Variants in NOS1AP observed in about 807,000 individuals in gnomAD.
The protein encoded by NOS1AP is carboxyl-terminal PDZ ligand of neuronal nitric oxide synthase protein.
NOS1AP carries 21 observed loss-of-function variants against 56.2 expected under a neutral mutation model. That is an observed-to-expected ratio of 0.37 (90% CI 0.26 to 0.54). The LOEUF (loss-of-function observed/expected upper bound fraction) is 0.54. NOS1AP is among the 20% of genes least tolerant of loss of function. NOS1AP has a pLI of 0.84. For synonymous variants in NOS1AP, 270 were observed against 274.6 expected, an observed-to-expected ratio of 0.98 and a Z score of 0.17; for missense variants, 522 against 657.8, an observed-to-expected ratio of 0.79 and a Z score of 2.26.
chr1:162,313,785 G>A (rs1272270303), intron 4 of NOS1AP, among the ~76,000 whole-genome samples: 1 of 152,174 alleles, frequency 6.6e-6, no homozygotes, highest in Non-Finnish European at 1.5e-5. Flanking sequence ...AGTAAATGAG[G>A]GAGGGAAAGG....
chr1:162,224,661 A>G (rs994371856), intron 2 of NOS1AP, among the ~76,000 whole-genome samples: 2 of 152,230 alleles, frequency 1.3e-5, no homozygotes, highest in African/African-American at 2.4e-5. Context: ...GTACTGAACA[A>G]GAAGACAGAG....
chr1:162,174,591 A>G (rs1295876640), intron 2 of NOS1AP, among the ~76,000 whole-genome samples: 1 of 152,234 alleles, frequency 6.6e-6, no homozygotes, highest in African/African-American at 2.4e-5. Context: ...AAAACTTTCT[A>G]TTATAAAACA....
intron 4 of NOS1AP, among the ~76,000 whole-genome samples, chr1:162,308,853 C>A (rs1655930101): frequency 6.6e-6 from 1 of 152,154 alleles, no homozygotes; most frequent in South Asian, 2.1e-4. Flanking sequence ...ATCCCAGCAA[C>A]CCTGAGTGGT....
intron 1 of NOS1AP, among the ~76,000 whole-genome samples, chr1:162,097,877 A>C (rs966540646): frequency 6.6e-5 from 10 of 151,932 alleles, no homozygotes; most frequent in Admixed American, 6.6e-5. Flanking sequence ...GTTCTTTAAA[A>C]TAGGTATATT....
intron 1 of NOS1AP, among the ~76,000 whole-genome samples, chr1:162,084,709 C>T (rs759065764): frequency 6.6e-6 from 1 of 152,070 alleles, no homozygotes; most frequent in Non-Finnish European, 1.5e-5. Flanking sequence ...GACAGGGTCT[C>T]ACCCTGTCAC....
intron 2 of NOS1AP, among the ~76,000 whole-genome samples, chr1:162,266,534 T>G (rs553785749): frequency 6.6e-6 from 1 of 152,352 alleles, no homozygotes; most frequent in African/African-American, 2.4e-5. Flanking sequence ...CACATGATAT[T>G]AGCTGGTCTC....
At chr1:162,210,302 C>T (rs924475690) in intron 2 of NOS1AP, among the ~76,000 whole-genome samples, 6 of 152,136 alleles carry the variant, frequency 3.9e-5, no homozygotes, top group African/African-American at 1.4e-4. Flanking sequence ...AGCACGGTGA[C>T]TTCTCCCATG....
intron 6 of NOS1AP, among the ~76,000 whole-genome samples, chr1:162,345,075 G>A (rs915399383): frequency 9.2e-5 from 14 of 151,642 alleles, no homozygotes; most frequent in Non-Finnish European, 1.3e-4. Flanking sequence ...TTCTTGGATG[G>A]GAAAGCTCAA....
At chr1:162,202,093 T>A (rs984978324) in intron 2 of NOS1AP, among the ~76,000 whole-genome samples, 11 of 152,094 alleles carry the variant, frequency 7.2e-5, no homozygotes, top group African/African-American at 1.4e-4. Context: ...GTCCTGGGGA[T>A]CTGTATGTGG....
intron 1 of NOS1AP, among the ~76,000 whole-genome samples, chr1:162,129,574 A>G (rs1648654694): frequency 6.6e-6 from 1 of 152,234 alleles, no homozygotes; most frequent in African/African-American, 2.4e-5. Context: ...AGCAAATCGT[A>G]CAGTCCCTTT....
intron 4 of NOS1AP, 56 bp from the exon 5 acceptor site, chr1:162,332,961 T>G: frequency 4.7e-5 from 57 of 1,200,880 alleles, no homozygotes; most frequent in Non-Finnish European, 6.6e-5. Flanking sequence ...CTTTCCTGGT[T>G]GGAGATTTGA....
At chr1:162,101,120 G>T (rs1375497743) in intron 1 of NOS1AP, among the ~76,000 whole-genome samples, 1 of 151,818 alleles carries the variant, frequency 6.6e-6, no homozygotes. Flanking sequence ...TTTATATGGT[G>T]TAAGGAAGGG....
chr1:162,180,246 T>C (rs1651205870), intron 2 of NOS1AP, among the ~76,000 whole-genome samples: 1 of 152,008 alleles, frequency 6.6e-6, no homozygotes. Flanking sequence ...TTTATTTATT[T>C]TATTTATTTA....
intron 1 of NOS1AP, among the ~76,000 whole-genome samples, chr1:162,140,180 C>G (rs1649177695): frequency 6.6e-6 from 1 of 152,154 alleles, no homozygotes; most frequent in Admixed American, 6.5e-5. Flanking sequence ...CAGAGAAGAC[C>G]TTTGCCTGCA....
chr1:162,080,948 A>G (rs548801639), intron 1 of NOS1AP, among the ~76,000 whole-genome samples: 2 of 152,350 alleles, frequency 1.3e-5, no homozygotes, highest in African/African-American at 4.8e-5. Context: ...GCCAAGGCAT[A>G]GAGAGGCAGA....
chr1:162,237,867 T>TTTGCAGAGA (rs1557844057), intron 2 of NOS1AP, among the ~76,000 whole-genome samples: 1 of 151,312 alleles, frequency 6.6e-6, no homozygotes, highest in Non-Finnish European at 1.5e-5. Context: ...ATGGAAGTCA[T>TTTGCAGAGA]TTTCAGAGAG....
At chr1:162,116,682 G>A (rs1302230618) in intron 1 of NOS1AP, among the ~76,000 whole-genome samples, 1 of 152,152 alleles carries the variant, frequency 6.6e-6, no homozygotes, top group Admixed American at 6.5e-5. Flanking sequence ...ATAGGGAAAG[G>A]ACAACTGGGC....
chr1:162,321,921 AG>A (rs34334894), intron 4 of NOS1AP, among the ~76,000 whole-genome samples: 84,356 of 151,378 alleles, frequency 0.56, 24,546 homozygotes, highest in Middle Eastern at 0.65. Context: ...AAGAGGGAGA[AG>A]GGGGGACAAG....
chr1:162,102,192 C>T (rs1186619528), intron 1 of NOS1AP, among the ~76,000 whole-genome samples: 1 of 152,132 alleles, frequency 6.6e-6, no homozygotes, highest in East Asian at 1.9e-4. Flanking sequence ...TCTTCTGCAT[C>T]TATTGAGATA....
Sources: gnomAD v4.1 joint callset for allele counts (sites outside exome capture counted in the v4.1 genomes callset) on GRCh38, gnomAD v4.1.1 for gene constraint, MANE v1.5 for transcripts, NCBI Gene and HGNC (gene_info 2026-07-23, HGNC 2026-07-21) for gene names.